The following AKAP9 variants were observed in gnomAD, a reference collection of about 807,000 sequenced individuals.
The protein encoded by AKAP9 is A-kinase anchoring protein 9, also known as A-kinase anchor protein 9.
In AKAP9, 311 loss-of-function variants were observed where a neutral mutation model predicts 488.5. The observed-to-expected ratio is 0.64, with a 90% CI of 0.58 to 0.70. AKAP9 has a LOEUF of 0.70. Among genes scored for constraint, AKAP9 ranks in the 30% least tolerant of loss-of-function variants. The pLI is 0.00. For synonymous variants in AKAP9, 1,462 were observed against 1,483.5 expected, an observed-to-expected ratio of 0.99 and a Z score of 0.33; for missense variants, 4,215 against 4,374.5, an observed-to-expected ratio of 0.96 and a Z score of 1.03.
chr7:92,014,481 C>T (rs1394373719), intron 10 of AKAP9, among the ~76,000 whole-genome samples, 153 bp downstream of exon 10: 5 of 152,014 alleles, frequency 3.3e-5, no homozygotes, highest in African/African-American at 1.2e-4. Flanking sequence ...ATACAAAAAT[C>T]AGTCCGGCAT....
rs77678040 is a variant in AKAP9 at position 92,071,137 on chromosome 7, A to G, written c.6612+128A>G. 1.6e-3 allele frequency: 1,351 copies of G among 846,180 alleles called. 21 individuals are homozygous for G. In the East Asian group the frequency reaches 0.032, roughly 20 times the overall value. 52.4% of individuals were successfully genotyped at this position (846,180 alleles called of 1,614,324 possible). On this transcript the variant is annotated intron_variant, in intron 28 of 49. Transcript: ENST00000356239. Reference sequence around the variant, plus strand: ...AAAGTTGAGGCTGTTTCTCAGCTCAATGCCAAAATTGACCTTGAAGGCAGT... The same window carrying G: ...AAAGTTGAGGCTGTTTCTCAGCTCAGTGCCAAAATTGACCTTGAAGGCAGT...
intron 3 of AKAP9, among the ~76,000 whole-genome samples, chr7:91,983,733 A>G (rs928329011): frequency 2.0e-5 from 3 of 152,216 alleles, no homozygotes; most frequent in Non-Finnish European, 4.4e-5. Flanking sequence ...ACAATGGTTG[A>G]ACTAGTTTAC....
intron 19 of AKAP9, 24 bp from the exon 20 acceptor site, chr7:92,042,644 C>A: frequency 3.9e-6 from 6 of 1,539,630 alleles, no homozygotes; most frequent in Non-Finnish European, 5.4e-6. Flanking sequence ...CTTCTCCTCT[C>A]TTCCTTTACA....
At position 91,940,911 on chromosome 7, in the gene AKAP9, T is replaced by G; in HGVS notation, c.-189T>G. On this transcript the variant is annotated 5_prime_UTR_variant, in exon 1 of 50. Coordinates refer to ENST00000356239, the MANE Select transcript of AKAP9 (RefSeq NM_005751.5). ...CGGCGGCGGCGGCGGTGACGGCGCT[T>G]CCCGTGCGGCTGAGGACGATCCGCC... 3.1e-6 allele frequency: 2 copies of G among 651,822 alleles called. No individual in the cohort carries two copies. The highest frequency in any genetic ancestry group is 2.5e-5 in the Admixed American group (1 of 39,754). The allele number at this position is 651,822 out of a possible 1,614,324, so 40.4% of individuals were successfully genotyped here.
At position 92,097,698 on chromosome 7, in the gene AKAP9, G is replaced by A. The variant is rs1381203501; in HGVS notation, c.10511G>A (p.Gly3504Glu). The change falls in exon 42 of 50, where the codon GGA (glycine) becomes GAA (glutamate). Residue 3504 changes from glycine (G) to glutamate (E), a missense_variant. Coordinates refer to ENST00000356239, the MANE Select transcript of AKAP9 (RefSeq NM_005751.5). ...NYAKLIEMNGGGTGCNHELEM... is the reference protein window; with the variant it reads ...NYAKLIEMNGEGTGCNHELEM... ...GCTAAATTGATTGAAATGAATGGAG[G>A]AGGAACCGGCTGTAATCATGAATTA... 1.9e-6 allele frequency: 3 copies of A among 1,614,052 alleles called. No individual in the cohort carries two copies. The highest frequency in any genetic ancestry group is 2.5e-6 in the Non-Finnish European group (3 of 1,180,018).
In AKAP9 at chr7:92,098,162, T is replaced by C. The variant is rs1816928911; in HGVS notation, c.10661T>C (p.Ile3554Thr). The stretch of plus-strand genomic sequence containing the variant: ...GATTTCATTTGGGTTCAGGAAAATA[T>C]TGATGAAATTATTTTACAACTACAG... ...DEDFIWVQEN[I>T]DEIILQLQKL... Residue 3554 changes from isoleucine to threonine, a missense_variant, in exon 43 of 50, where the codon ATT becomes ACT. Physicochemically the swap from Ile to Thr is moderately conservative, Grantham distance 89. Coordinates refer to ENST00000356239, the MANE Select transcript of AKAP9 (RefSeq NM_005751.5). 6.2e-7 allele frequency: 1 copy of C among 1,612,782 alleles called. No individual in the cohort carries two copies.
At chr7:92,081,495 A>ATT (rs1296911918) in intron 31 of AKAP9, among the ~76,000 whole-genome samples, 2,671 of 100,284 alleles carry the variant, frequency 0.027, 38 homozygotes, top group East Asian at 0.11. Context: ...ATATATATAT[A>ATT]TATTTTTTTT....
intron 22 of AKAP9, among the ~76,000 whole-genome samples, chr7:92,056,127 C>T (rs1437270481): frequency 1.3e-5 from 2 of 151,762 alleles, no homozygotes; most frequent in African/African-American, 4.8e-5. Context: ...GGCTGTTTGC[C>T]CTATTCTGAA....
At chr7:92,089,032 A>G (rs12535601) in intron 37 of AKAP9, among the ~76,000 whole-genome samples, 61,266 of 152,044 alleles carry the variant, frequency 0.4, 12,679 homozygotes, top group African/African-American at 0.47. Flanking sequence ...AAGACAAAGA[A>G]AGACTTGGGA....
intron 22 of AKAP9, among the ~76,000 whole-genome samples, chr7:92,056,193 A>G (rs1475707884): frequency 6.6e-6 from 1 of 151,632 alleles, no homozygotes; most frequent in East Asian, 1.9e-4. Context: ...TTTCTCTCTT[A>G]TCTTTGTAGT....
intron 46 of AKAP9, among the ~76,000 whole-genome samples, chr7:92,103,173 A>C (rs1303520820): frequency 6.6e-6 from 1 of 150,500 alleles, no homozygotes; most frequent in Non-Finnish European, 1.5e-5. Flanking sequence ...GGCGAATCAC[A>C]AGGTCAGGAG....
intron 9 of AKAP9, among the ~76,000 whole-genome samples, chr7:92,013,318 G>A (rs568846397): frequency 5.3e-4 from 81 of 152,200 alleles, no homozygotes; most frequent in Admixed American, 1.4e-3. Context: ...GCAGGCTCTG[G>A]AGTCTTTAGA....
intron 49 of AKAP9, among the ~76,000 whole-genome samples, chr7:92,109,502 G>T (rs568911416): frequency 2.0e-5 from 3 of 152,116 alleles, no homozygotes; most frequent in Non-Finnish European, 2.9e-5. Flanking sequence ...AAGACCAAAA[G>T]ATTTTTCAAA....
chr7:92,012,528 G>A lies in AKAP9; in HGVS notation c.3418G>A (p.Asp1140Asn), dbSNP rs1430333418. The A allele has an allele frequency of 1.9e-6, 3 of 1,613,848 alleles. No individual in the cohort carries two copies. The highest frequency in any genetic ancestry group is 1.3e-5 in the African/African-American group (1 of 74,914). ...QVREYMENEK[D>N]KALCSLKEEL... ...TCGTGAATATATGGAAAATGAAAAA[G>A]ATAAAGCTCTTTGCAGTCTTAAAGA... The change falls in exon 9 of 50, where the codon GAT becomes AAT. Residue 1140 changes from aspartate to asparagine, a missense_variant. Physicochemically the swap from Asp to Asn is conservative, Grantham distance 23 (BLOSUM62 1). Transcript: ENST00000356239.
At chr7:92,073,491 G>A (rs1812075259) in intron 28 of AKAP9, among the ~76,000 whole-genome samples, 1 of 151,980 alleles carries the variant, frequency 6.6e-6, no homozygotes, top group South Asian at 2.1e-4. Context: ...GGGCAACAGA[G>A]TGAGACTCCA....
At chr7:92,014,455 C>T (rs1397855693) in intron 10 of AKAP9, 127 bp downstream of exon 10, 2 of 692,728 alleles carry the variant, frequency 2.9e-6, no homozygotes, top group Admixed American at 2.1e-5. Flanking sequence ...TGGTGAAACC[C>T]CGTCTCTACC....
intron 46 of AKAP9, among the ~76,000 whole-genome samples, chr7:92,104,880 G>C (rs1174634444): frequency 6.6e-6 from 1 of 152,146 alleles, no homozygotes; most frequent in African/African-American, 2.4e-5. Context: ...TTTCTAGTGG[G>C]GAAGACTAAT....
intron 14 of AKAP9, among the ~76,000 whole-genome samples, chr7:92,027,680 CGCCTCTGCCTGGCCGCCCCGTCTGGG>C (rs1803536543): frequency 6.7e-6 from 1 of 148,210 alleles, no homozygotes; most frequent in Non-Finnish European, 1.5e-5. Flanking sequence ...ATGTGAGGAG[CGCCTCTGCCTGGCCGCCCCGTCTGGG>C]ATGTGAGGAG....
chr7:92,038,217 C>A (rs1805503324), intron 16 of AKAP9, among the ~76,000 whole-genome samples: 1 of 151,968 alleles, frequency 6.6e-6, no homozygotes, highest in South Asian at 2.1e-4. Flanking sequence ...AAGTGGCAGG[C>A]AGTAAAATAA....
Sources: gnomAD v4.1 joint callset for allele counts (sites outside exome capture counted in the v4.1 genomes callset) on GRCh38, gnomAD v4.1.1 for gene constraint, MANE v1.5 for transcripts, NCBI Gene and HGNC (gene_info 2026-07-23, HGNC 2026-07-21) for gene names.